Variants in MAP4 observed in about 807,000 individuals in gnomAD.
MAP4 encodes microtubule associated protein 4.
A neutral mutation model predicts 170.2 loss-of-function variants in MAP4; 76 were observed. That is an observed-to-expected ratio of 0.45 (90% CI 0.37 to 0.54). The LOEUF (loss-of-function observed/expected upper bound fraction) is 0.54, where lower values mean the gene tolerates loss of function less well. MAP4 is among the 20% of genes least tolerant of loss of function. The pLI is 0.00. For synonymous variants in MAP4, 909 were observed against 994.5 expected, an observed-to-expected ratio of 0.91 and a Z score of 1.62; for missense variants, 2,506 against 2,748.0, an observed-to-expected ratio of 0.91 and a Z score of 1.97.
intron 2 of MAP4, among the ~76,000 whole-genome samples, chr3:47,994,583 T>C (rs961936707): frequency 1.3e-5 from 2 of 152,216 alleles, no homozygotes; most frequent in African/African-American, 4.8e-5. Context: ...ATTTGATCCA[T>C]GTAACATTAA....
At chr3:47,958,366 T>C (rs193166184) in intron 3 of MAP4, among the ~76,000 whole-genome samples, 12 of 152,338 alleles carry the variant, frequency 7.9e-5, no homozygotes, top group Non-Finnish European at 1.3e-4. Flanking sequence ...AATAGGTAAC[T>C]GAAGAAAGAA....
intron 3 of MAP4, among the ~76,000 whole-genome samples, chr3:47,969,541 A>G (rs981670492): frequency 6.6e-6 from 1 of 152,202 alleles, no homozygotes; most frequent in African/African-American, 2.4e-5. Flanking sequence ...TGTTAAGAGA[A>G]TCTTGCTTTG....
chr3:48,075,678 T>C (rs1237309123), intron 1 of MAP4, among the ~76,000 whole-genome samples: 1 of 150,264 alleles, frequency 6.7e-6, no homozygotes, highest in East Asian at 2.0e-4. Context: ...AAAAAACAAA[T>C]GAAAAAGATT....
chr3:47,884,145 C>A (rs1316042461), intron 10 of MAP4, among the ~76,000 whole-genome samples: 1 of 152,168 alleles, frequency 6.6e-6, no homozygotes, highest in Non-Finnish European at 1.5e-5. Context: ...TTGTTATTGT[C>A]CCATGGGTCT....
At chr3:47,979,764 A>G (rs2100084392) in intron 2 of MAP4, among the ~76,000 whole-genome samples, 1 of 151,720 alleles carries the variant, frequency 6.6e-6, no homozygotes, top group Non-Finnish European at 1.5e-5. Flanking sequence ...CCCAGCCATA[A>G]GTCTTAAATA....
At chr3:47,984,917 C>T (rs1349523869) in intron 2 of MAP4, among the ~76,000 whole-genome samples, 4 of 151,272 alleles carry the variant, frequency 2.6e-5, no homozygotes, top group African/African-American at 7.3e-5. Flanking sequence ...TGCAGTGAGC[C>T]GAGATCATGC....
At chr3:48,002,869 T>G (rs1233666438) in intron 1 of MAP4, among the ~76,000 whole-genome samples, 1 of 150,462 alleles carries the variant, frequency 6.6e-6, no homozygotes, top group African/African-American at 2.4e-5. Context: ...AGAAAATTTG[T>G]CTCAAAAAAC....
intron 1 of MAP4, among the ~76,000 whole-genome samples, chr3:48,000,324 G>A (rs1048308745): frequency 6.0e-5 from 9 of 150,114 alleles, no homozygotes; most frequent in African/African-American, 2.0e-4. Context: ...AAGGTACTAC[G>A]CCTGCTTTCA....
intron 10 of MAP4, chr3:47,892,508 C>T (rs573657909): frequency 2.0e-6 from 3 of 1,495,834 alleles, no homozygotes; most frequent in Non-Finnish European, 2.7e-6. Context: ...TCCTCCACTG[C>T]TCTCCCTGCT....
intron 3 of MAP4, among the ~76,000 whole-genome samples, chr3:47,933,763 G>C (rs2100051242): frequency 6.6e-6 from 1 of 152,060 alleles, no homozygotes; most frequent in African/African-American, 2.4e-5. Context: ...ACCACGCCCG[G>C]CTAATTTTTT....
chr3:47,891,255 G>A, intron 10 of MAP4: 2 of 1,536,292 alleles, frequency 1.3e-6, no homozygotes, highest in Middle Eastern at 1.7e-4. Flanking sequence ...GCAGTGCCGA[G>A]TTCCTTCTTC....
chr3:47,971,426 T>G (rs1300442088), intron 3 of MAP4, among the ~76,000 whole-genome samples: 1 of 152,226 alleles, frequency 6.6e-6, no homozygotes, highest in African/African-American at 2.4e-5. Context: ...CCAGATGAGA[T>G]AGTGATGAAG....
At chr3:47,881,086 A>C (rs1203195193) in intron 10 of MAP4, among the ~76,000 whole-genome samples, 1 of 151,936 alleles carries the variant, frequency 6.6e-6, no homozygotes, top group African/African-American at 2.4e-5. Flanking sequence ...AGAATTGCTA[A>C]GTTTTCTAAA....
chr3:47,998,022 C>T (rs1451131033), intron 2 of MAP4, among the ~76,000 whole-genome samples: 1 of 152,094 alleles, frequency 6.6e-6, no homozygotes, highest in Admixed American at 6.5e-5. Flanking sequence ...GAAAAAATAT[C>T]AATTCTATGC....
At position 47,854,627 on chromosome 3, in the gene MAP4, A is replaced by G. The variant is rs572621467; in HGVS notation, c.6696+621T>C. ...CACAAAAGGTCTCACAGTACTGTGG[A>G]AGGAGGAAGGGAGGAAAGAGGAGAG... is the stretch of plus-strand genomic sequence containing the variant. On this transcript the variant is annotated intron_variant, in intron 19 of 20. Transcript: ENST00000683076. 2.0e-5 allele frequency among the ~76,000 whole-genome samples: 3 copies of G among 152,288 alleles called. No homozygotes were observed. The East Asian group carries it at 5.8e-4, about 29-fold the overall frequency.
At chr3:47,982,841 T>C (rs28464392) in intron 2 of MAP4, among the ~76,000 whole-genome samples, 1 of 151,916 alleles carries the variant, frequency 6.6e-6, no homozygotes, top group African/African-American at 2.4e-5. Flanking sequence ...GAATAAAGTC[T>C]TAAAAGATCT....
At chr3:47,941,988 C>G (rs2100056808) in intron 3 of MAP4, among the ~76,000 whole-genome samples, 1 of 152,118 alleles carries the variant, frequency 6.6e-6, no homozygotes, top group Non-Finnish European at 1.5e-5. Flanking sequence ...TTACTAAGGG[C>G]TGTGCTAGTA....
chr3:48,062,553 ATC>A (rs2100136330), intron 1 of MAP4, among the ~76,000 whole-genome samples: 1 of 149,730 alleles, frequency 6.7e-6, no homozygotes, highest in African/African-American at 2.4e-5. Context: ...TACAATTGTT[ATC>A]TGTCAATTAA....
At chr3:48,045,824 AGCCACCGC>A (rs1227519255) in intron 1 of MAP4, among the ~76,000 whole-genome samples, 1 of 152,158 alleles carries the variant, frequency 6.6e-6, no homozygotes, top group Non-Finnish European at 1.5e-5. Flanking sequence ...TACAGGCGTA[AGCCACCGC>A]GCCCGGCTGC....
Sources: allele counts gnomAD v4.1 joint callset (sites outside exome capture counted in the v4.1 genomes callset), GRCh38; gene constraint gnomAD v4.1.1; transcripts MANE v1.5; gene names NCBI Gene and HGNC (gene_info 2026-07-23, HGNC 2026-07-21).